Variants in RPS6KC1 observed in about 807,000 individuals in gnomAD.
The protein encoded by RPS6KC1 is inactive ribosomal protein S6 kinase delta-1.
RPS6KC1 carries 54 observed loss-of-function variants against 103.8 expected under a neutral mutation model. The observed-to-expected ratio is 0.52, with a 90% CI of 0.42 to 0.65. RPS6KC1 has a LOEUF of 0.65. Among genes scored for constraint, RPS6KC1 ranks in the 30% least tolerant of loss-of-function variants. The pLI is 0.00. For missense variants in RPS6KC1, 1,151 were observed against 1,253.8 expected (o/e 0.92, Z 1.24); for synonymous variants, 439 against 438.7 (o/e 1.00, Z -0.01).
the RPS6KC1 span, among the ~76,000 whole-genome samples, chr1:213,311,976 C>T: frequency 6.0e-5 from 9 of 151,012 alleles, no homozygotes; most frequent in East Asian, 1.8e-3. Flanking sequence ...TGGCTCACTG[C>T]AACCTCCACC....
chr1:213,817,548 G>A, the RPS6KC1 span, among the ~76,000 whole-genome samples: 1 of 152,142 alleles, frequency 6.6e-6, no homozygotes, highest in East Asian at 1.9e-4. Context: ...TTCAAATACG[G>A]ACACTCCTTC....
chr1:213,075,901 A>G (rs910548430), intron 2 of RPS6KC1, among the ~76,000 whole-genome samples: 5 of 152,108 alleles, frequency 3.3e-5, no homozygotes, highest in African/African-American at 4.8e-5. Flanking sequence ...TCTCTAAGGT[A>G]GTACTTTTTG....
At chr1:213,178,067 C>T (rs1007609238) in intron 8 of RPS6KC1, among the ~76,000 whole-genome samples, 6 of 151,132 alleles carry the variant, frequency 4.0e-5, no homozygotes, top group Non-Finnish European at 7.4e-5. Flanking sequence ...GGCATGTAGT[C>T]CCAGCTGCTC....
chr1:213,505,150 T>C, the RPS6KC1 span, among the ~76,000 whole-genome samples: 5 of 152,110 alleles, frequency 3.3e-5, no homozygotes, highest in African/African-American at 7.2e-5. Flanking sequence ...TCCCCTGAGA[T>C]CCTATTCTAT....
At chr1:213,625,333 C>T in the RPS6KC1 span, among the ~76,000 whole-genome samples, 1 of 152,054 alleles carries the variant, frequency 6.6e-6, no homozygotes, top group Admixed American at 6.6e-5. Flanking sequence ...TATGTGTGTA[C>T]TTATGCAATA....
At chr1:213,285,289 T>C in the RPS6KC1 span, among the ~76,000 whole-genome samples, 1 of 152,158 alleles carries the variant, frequency 6.6e-6, no homozygotes, top group Non-Finnish European at 1.5e-5. Flanking sequence ...TCTACCCTTA[T>C]GACCTCATCT....
chr1:213,665,852 CA>C, the RPS6KC1 span, among the ~76,000 whole-genome samples: 2 of 152,066 alleles, frequency 1.3e-5, no homozygotes, highest in African/African-American at 4.8e-5. Flanking sequence ...GTAGTAAATA[CA>C]AAGAATAAGA....
the RPS6KC1 span, among the ~76,000 whole-genome samples, chr1:213,680,202 G>A: frequency 0.019 from 2,923 of 152,226 alleles, 98 homozygotes; most frequent in African/African-American, 0.064. Context: ...TCGGGAACAC[G>A]AGTATTGCAC....
the RPS6KC1 span, among the ~76,000 whole-genome samples, chr1:213,280,392 A>C: frequency 1.3e-5 from 2 of 152,222 alleles, no homozygotes; most frequent in African/African-American, 4.8e-5. Flanking sequence ...GATGACTTGT[A>C]TAGTGTTGGG....
the RPS6KC1 span, among the ~76,000 whole-genome samples, chr1:213,706,259 C>A: frequency 2.0e-5 from 3 of 152,186 alleles, no homozygotes; most frequent in Non-Finnish European, 4.4e-5. Flanking sequence ...AACTTAAGTT[C>A]TGATTGCTGA....
At chr1:213,428,696 A>G in the RPS6KC1 span, 1 of 147,608 alleles carries the variant, frequency 6.8e-6, no homozygotes, top group African/African-American at 2.5e-5. Context: ...GACAATCAGC[A>G]GCGATTAGTT....
At chr1:213,260,646 GTTT>G (rs1283483993) in intron 12 of RPS6KC1, among the ~76,000 whole-genome samples, 1 of 137,050 alleles carries the variant, frequency 7.3e-6, no homozygotes, top group Admixed American at 7.5e-5. Context: ...AAATAGTAGG[GTTT>G]TTTTTTTTTT....
chr1:213,250,374 G>C (rs926465774), intron 12 of RPS6KC1, among the ~76,000 whole-genome samples: 1 of 152,128 alleles, frequency 6.6e-6, no homozygotes, highest in Non-Finnish European at 1.5e-5. Context: ...CATGTACCCT[G>C]CTCAACAAAT....
the RPS6KC1 span, among the ~76,000 whole-genome samples, chr1:213,472,701 A>G: frequency 1.3e-5 from 2 of 152,224 alleles, no homozygotes; most frequent in African/African-American, 4.8e-5. Context: ...TTTGGGCCCC[A>G]GGAGATGAGT....
the RPS6KC1 span, among the ~76,000 whole-genome samples, chr1:213,716,554 CA>C: frequency 1.7e-4 from 26 of 152,162 alleles, no homozygotes; most frequent in Admixed American, 1.6e-3. Flanking sequence ...ATTTTAGTTT[CA>C]GGGGGAAAAA....
At chr1:213,137,523 G>A (rs1280508654) in intron 6 of RPS6KC1, among the ~76,000 whole-genome samples, 1 of 150,964 alleles carries the variant, frequency 6.6e-6, no homozygotes, top group Middle Eastern at 3.2e-3. Flanking sequence ...AGGAGAAACG[G>A]TGTTTCTCCA....
chr1:213,464,662 C>T, the RPS6KC1 span, among the ~76,000 whole-genome samples: 1 of 151,994 alleles, frequency 6.6e-6, no homozygotes, highest in Non-Finnish European at 1.5e-5. Context: ...ATTTTAGTTT[C>T]TATCCCATGC....
At chr1:213,239,440 T>G (rs1401425390) in intron 10 of RPS6KC1, among the ~76,000 whole-genome samples, 1 of 152,194 alleles carries the variant, frequency 6.6e-6, no homozygotes, top group African/African-American at 2.4e-5. Context: ...ACAATTAGCC[T>G]TTATTGAGCA....
At chr1:213,455,735 G>A in the RPS6KC1 span, among the ~76,000 whole-genome samples, 31,956 of 152,196 alleles carry the variant, frequency 0.21, 3,485 homozygotes, top group East Asian at 0.3. Flanking sequence ...ATAAGCTACA[G>A]AGGAGATTAA....
Sources: allele counts gnomAD v4.1 joint callset (sites outside exome capture counted in the v4.1 genomes callset), GRCh38; gene constraint gnomAD v4.1.1; transcripts MANE v1.5; gene names NCBI Gene and HGNC (gene_info 2026-07-23, HGNC 2026-07-21).